SCN9A: variants seen among roughly 807,000 people sequenced by gnomAD.
The protein encoded by SCN9A is sodium voltage-gated channel alpha subunit 9.
A neutral mutation model predicts 187.0 loss-of-function variants in SCN9A; 131 were observed. That is an observed-to-expected ratio of 0.70 (90% CI 0.61 to 0.81). SCN9A has a LOEUF of 0.81. Among genes scored for constraint, SCN9A ranks in the 30% least tolerant of loss-of-function variants. The pLI is 0.00. For missense variants in SCN9A, 2,252 were observed against 2,396.6 expected (o/e 0.94, Z 1.26); for synonymous variants, 809 against 808.6 (o/e 1.00, Z -0.01).
rs1697324728 is a variant in SCN9A, at chr2:166,278,241, C to T, written c.2416G>A (p.Val806Ile). ...IAMDPYEYFQVGWNIFDSLIV... is the reference protein window; with the variant it reads ...IAMDPYEYFQIGWNIFDSLIV... ...AGGCTGTCAAAAATATTCCAGCCTA[C>T]TTGGAAATACTCATATGGATCCATG... Residue 806 changes from valine to isoleucine, a missense_variant, in exon 15 of 27, where the codon GTA becomes ATA. Around this residue, in one of 7 missense-constraint regions of SCN9A, gnomAD observed 1,013 missense variants for 997.4 expected, o/e 1.02. Coordinates refer to ENST00000642356, the MANE Select transcript of SCN9A (RefSeq NM_001365536.1). 2.5e-6 allele frequency: 4 copies of T among 1,612,470 alleles called. No homozygotes were observed. The highest frequency in any genetic ancestry group is 2.5e-6 in the Non-Finnish European group (3 of 1,179,206).
chr2:166,285,916 A>G (rs1697717709), intron 11 of SCN9A, among the ~76,000 whole-genome samples: 3 of 152,174 alleles, frequency 2.0e-5, no homozygotes, highest in African/African-American at 7.2e-5. Flanking sequence ...CAAAGTTCCA[A>G]ATGGGTGAGT....
rs573729847 is a variant in SCN9A, at chr2:166,331,005, G to A, written c.-50-19199C>T. On this transcript the variant is annotated intron_variant, in intron 1 of 26. Transcript: ENST00000642356. ...CTGGGGGAGGAGGTTGAGAAAAAAT[G>A]CAAAAATACAAGGGCAAATTAGGCA... is the stretch of plus-strand genomic sequence containing the variant. Among the ~76,000 whole-genome samples, 11 of 152,118 alleles carry A rather than the reference G, an allele frequency of 7.2e-5. No homozygotes were observed. The East Asian group carries it at 1.4e-3, about 19-fold the overall frequency.
Position 166,233,431 on chromosome 2 carries a change from A to G in SCN9A, c.3833T>C (p.Leu1278Pro). The G allele has an allele frequency of 6.3e-7, 1 of 1,579,400 alleles. No individual in the cohort carries two copies. Among genetic ancestry groups the G allele is most frequent in the South Asian group, 1.2e-5 (1 of 82,482 alleles). Residue 1278 changes from leucine to proline, a missense_variant, in exon 21 of 27, where the codon CTT becomes CCT. This residue lies in a region of SCN9A where 368 missense variants were observed against 408.6 expected (regional missense o/e 0.90). Transcript: ENST00000642356. ...AATGGGGCCAAGATCTGAGTAGCCA[A>G]GAGTGTTTGCCACTAAAGTAACCAA... ...VSLVTLVANT[L>P]GYSDLGPIKS...
intron 1 of SCN9A, among the ~76,000 whole-genome samples, chr2:166,347,481 G>A (rs192402484): frequency 6.6e-6 from 1 of 152,282 alleles, no homozygotes; most frequent in African/African-American, 2.4e-5. Context: ...CCTAGTGGTT[G>A]ATGTACCTCA....
Position 166,280,541 on chromosome 2 carries a change from T to C in SCN9A, c.2159A>G (p.Lys720Arg). 6.3e-7 allele frequency: 1 copy of C among 1,592,498 alleles called. No individual in the cohort carries two copies. ...TGGAGAGCAATTCCAGATCAAGAAT[T>C]TGTGTGCAAATCTGTACCACCAAGG... ...CPPWWYRFAH[K>R]FLIWNCSPYW... The change falls in exon 14 of 27, where the codon AAA becomes AGA. Residue 720 changes from lysine (K) to arginine (R), a missense_variant. Lys to Arg is a conservative substitution (Grantham distance 26, BLOSUM62 2). Coordinates refer to ENST00000642356, the MANE Select transcript of SCN9A (RefSeq NM_001365536.1).
intron 24 of SCN9A, among the ~76,000 whole-genome samples, chr2:166,214,497 A>C: frequency 7.5e-6 from 1 of 132,892 alleles, no homozygotes; most frequent in Non-Finnish European, 1.6e-5. Context: ...CAACTCTACA[A>C]TCTTTCTTTT....
rs550245159 is a variant in SCN9A, at chr2:166,278,217, G to A, written c.2440C>T (p.Leu814Phe). 3 of 1,612,750 alleles carry A rather than the reference G, an allele frequency of 1.9e-6. No individual in the cohort carries two copies. The highest frequency in any genetic ancestry group is 2.5e-6 in the Non-Finnish European group (3 of 1,179,464). Reference protein sequence around the residue: ...FQVGWNIFDSLIVTLSLVELF... With the variant: ...FQVGWNIFDSFIVTLSLVELF... Reference sequence around the variant, plus strand: ...TCCACTAAACTTAAAGTCACAATAAGGCTGTCAAAAATATTCCAGCCTACT... The same window carrying A: ...TCCACTAAACTTAAAGTCACAATAAAGCTGTCAAAAATATTCCAGCCTACT... Residue 814 changes from leucine (L) to phenylalanine (F), a missense_variant, in exon 15 of 27, where the codon CTT becomes TTT. Coordinates refer to ENST00000642356, the MANE Select transcript of SCN9A (RefSeq NM_001365536.1).
Position 166,198,546 on chromosome 2 carries a change from A to G in SCN9A, c.*126T>C. On this transcript the variant is annotated 3_prime_UTR_variant, in exon 27 of 27. Coordinates refer to ENST00000642356, the MANE Select transcript of SCN9A (RefSeq NM_001365536.1). ...CCACCTTTCTTAGGAAATCAGAGTT[A>G]GTGACTGCACTGCCTTCGAGAATAT... The G allele has an allele frequency of 1.5e-6, 1 of 687,958 alleles. No individual in the cohort carries two copies. Among genetic ancestry groups the G allele is most frequent in the Non-Finnish European group, 2.4e-6 (1 of 418,058 alleles). The allele number at this position is 687,958 out of a possible 1,614,324, so 42.6% of individuals were successfully genotyped here.
chr2:166,240,481 T>TC (rs1367279694), intron 19 of SCN9A, among the ~76,000 whole-genome samples: 8 of 152,274 alleles, frequency 5.3e-5, no homozygotes, highest in Admixed American at 2.0e-4. Context: ...AATGTCTTCC[T>TC]CTGTTTTAGA....
rs1267751240 is a variant in SCN9A, at chr2:166,370,460, GT to G, written c.-51+5236del. Among the ~76,000 whole-genome samples, 13 of 151,468 alleles carry G rather than the reference GT, an allele frequency of 8.6e-5. No individual in the cohort carries two copies. In the East Asian group the frequency reaches 2.1e-3, roughly 25 times the overall value. ...TCGGAGGCTGAGGCAGGAGAATGGT[GT>G]GAACCCAGGACGCGGAGCTTGCAGT... On this transcript the variant is annotated intron_variant, in intron 1 of 26. Transcript: ENST00000642356.
Position 166,336,008 on chromosome 2 carries a change from T to G in SCN9A, c.-50-24202A>C, listed in dbSNP as rs1354576127. Among the ~76,000 whole-genome samples, 3 of 152,188 alleles carry G rather than the reference T, an allele frequency of 2.0e-5. No individual in the cohort carries two copies. In the East Asian group the frequency reaches 5.8e-4, roughly 29 times the overall value. ...AGATGATTTAAAGTATACGGTAGGA[T>G]GTGAATAGATTATGTGCAAATGTTA... On this transcript the variant is annotated intron_variant, in intron 1 of 26. Transcript: ENST00000642356.
chr2:166,269,015 C>T (rs916756304), intron 17 of SCN9A, among the ~76,000 whole-genome samples: 5 of 151,816 alleles, frequency 3.3e-5, no homozygotes, highest in Non-Finnish European at 5.9e-5. Context: ...GTTACTACAA[C>T]CTCTAAGGTA....
rs778452580 is a variant in SCN9A at position 166,228,729 on chromosome 2, C to T, written c.4168G>A (p.Asp1390Asn). ...GATAGGTAACCAAGTCCGACATTAT[C>T]AAAGTTCACTTTCAGGTTTTTCCAT... ...VRWKNLKVNF[D>N]NVGLGYLSLL... The change falls in exon 22 of 27, where the codon GAT (aspartate) becomes AAT (asparagine). Residue 1390 changes from aspartate (D) to asparagine (N), a missense_variant. This residue lies in a region of SCN9A where 368 missense variants were observed against 408.6 expected (regional missense o/e 0.90). Transcript: ENST00000642356. 6.2e-7 allele frequency: 1 copy of T among 1,613,598 alleles called. No homozygotes were observed. The highest frequency in any genetic ancestry group is 2.2e-5 in the East Asian group (1 of 44,876).
intron 1 of SCN9A, among the ~76,000 whole-genome samples, chr2:166,356,204 C>T (rs1289337763): frequency 6.6e-6 from 1 of 152,186 alleles, no homozygotes; most frequent in Admixed American, 6.5e-5. Context: ...TCCACCTCCT[C>T]AGAGCTACTG....
intron 1 of SCN9A, among the ~76,000 whole-genome samples, chr2:166,347,182 A>G (rs1439717561): frequency 6.6e-6 from 1 of 152,224 alleles, no homozygotes; most frequent in Non-Finnish European, 1.5e-5. Context: ...GCACTGGTCC[A>G]TCACTCTTGC....
intron 12 of SCN9A, among the ~76,000 whole-genome samples, chr2:166,282,148 C>T (rs762521791): frequency 1.1e-4 from 16 of 152,148 alleles, no homozygotes; most frequent in African/African-American, 1.9e-4. Flanking sequence ...TCAATTTATT[C>T]AGATAGTTTG....
chr2:166,275,595 A>AAAAT (rs1553487448), intron 16 of SCN9A, among the ~76,000 whole-genome samples: 50 of 133,918 alleles, frequency 3.7e-4, no homozygotes, highest in African/African-American at 1.3e-3. Flanking sequence ...AAAAAAAAAA[A>AAAAT]AATACACAAG....
intron 1 of SCN9A, among the ~76,000 whole-genome samples, chr2:166,341,438 G>A (rs996662839): frequency 6.6e-6 from 1 of 152,232 alleles, no homozygotes; most frequent in Non-Finnish European, 1.5e-5. Flanking sequence ...TTTGAGTTCA[G>A]TGGCTTCTCC....
At chr2:166,361,602 A>T (rs777829093) in intron 1 of SCN9A, among the ~76,000 whole-genome samples, 1 of 152,152 alleles carries the variant, frequency 6.6e-6, no homozygotes, top group African/African-American at 2.4e-5. Flanking sequence ...ATGTTGAAAG[A>T]TTTAATAACA....
Sources: gnomAD v4.1 joint callset for allele counts (sites outside exome capture counted in the v4.1 genomes callset) on GRCh38, gnomAD v4.1.1 for gene constraint, gnomAD v4.1.1 regional missense constraint, MANE v1.5 for transcripts, NCBI Gene and HGNC (gene_info 2026-07-23, HGNC 2026-07-21) for gene names.